The following PCDH9 variants were observed in gnomAD, a reference collection of about 807,000 sequenced individuals.
PCDH9 encodes the protein protocadherin-9.
A neutral mutation model predicts 70.6 loss-of-function variants in PCDH9; 24 were observed. The ratio of observed to expected loss-of-function variants is 0.34; its 90% CI spans 0.25 to 0.48. The LOEUF (loss-of-function observed/expected upper bound fraction) is 0.48. Among genes scored for constraint, PCDH9 ranks in the 20% least tolerant of loss-of-function variants. PCDH9 has a pLI of 0.99. For synonymous variants in PCDH9, 562 were observed against 558.5 expected (o/e 1.01, Z -0.09); for missense variants, 1,281 against 1,503.6 (o/e 0.85, Z 2.45).
At chr13:66,504,065 G>T (rs779121209) in intron 4 of PCDH9, among the ~76,000 whole-genome samples, 7 of 152,088 alleles carry the variant, frequency 4.6e-5, no homozygotes, top group African/African-American at 9.7e-5. Flanking sequence ...TCTCTGCTCC[G>T]TAAACACAAC....
intron 3 of PCDH9, among the ~76,000 whole-genome samples, chr13:66,713,260 T>C (rs1034232347): frequency 1.2e-4 from 18 of 152,186 alleles, no homozygotes. Context: ...TTAAATTATA[T>C]ACCTTGTAAT....
At chr13:67,154,106 A>G (rs1437660856) in intron 2 of PCDH9, among the ~76,000 whole-genome samples, 1 of 152,224 alleles carries the variant, frequency 6.6e-6, no homozygotes, top group Non-Finnish European at 1.5e-5. Flanking sequence ...CCTATAAGAC[A>G]AAAAACAGTA....
At chr13:66,380,536 CTTTTTTTTTT>C (rs59830525) in intron 4 of PCDH9, among the ~76,000 whole-genome samples, 10 of 53,396 alleles carry the variant, frequency 1.9e-4, no homozygotes, top group African/African-American at 5.1e-4. Context: ...AGATCTTGTC[CTTTTTTTTTT>C]TTTTTTTTTT....
chr13:66,687,069 G>A (rs1477006492), intron 3 of PCDH9, among the ~76,000 whole-genome samples: 1 of 152,038 alleles, frequency 6.6e-6, no homozygotes, highest in Non-Finnish European at 1.5e-5. Flanking sequence ...AACTACAAGT[G>A]ACTCATAAAA....
In PCDH9 at chr13:66,326,242, C is replaced by T. The variant is rs561947689; in HGVS notation, c.3341-21214G>A. Among the ~76,000 whole-genome samples the T allele has an allele frequency of 3.9e-5, 6 of 152,128 alleles. No homozygotes were observed. In the South Asian group the frequency reaches 1.0e-3, roughly 26 times the overall value. On this transcript the variant is annotated intron_variant, in intron 4 of 4. Coordinates refer to ENST00000377865, the MANE Select transcript of PCDH9 (RefSeq NM_203487.3). ...CCTTTCTCACTTACATATATGTAAC[C>T]CCAGCAGTGTTCTCTTGACTGTGTC...
chr13:66,519,268 C>T (rs909145247), intron 4 of PCDH9, among the ~76,000 whole-genome samples: 1 of 151,840 alleles, frequency 6.6e-6, no homozygotes, highest in South Asian at 2.1e-4. Flanking sequence ...AACCAGATAC[C>T]TGGTAAGATC....
Position 67,170,862 on chromosome 13 carries a change from T to C in PCDH9, c.3036+54543A>G, listed in dbSNP as rs543063715. Among the ~76,000 whole-genome samples the C allele has an allele frequency of 5.9e-5, 9 of 152,136 alleles. No homozygotes were observed. The East Asian group carries it at 1.7e-3, about 29-fold the overall frequency. ...ATCACTTGAACCCAGGAGGTGGAGG[T>C]TGCCGTGAGCCAAGATTGCGCCACT... On this transcript the variant is annotated intron_variant, in intron 2 of 4. Transcript: ENST00000377865.
At chr13:66,940,671 T>A (rs762865555) in intron 2 of PCDH9, among the ~76,000 whole-genome samples, 2 of 151,866 alleles carry the variant, frequency 1.3e-5, no homozygotes, top group Non-Finnish European at 2.9e-5. Context: ...CCAAAATAAG[T>A]TTACTTTTTT....
chr13:66,923,524 T>A (rs2082670554), intron 2 of PCDH9, among the ~76,000 whole-genome samples: 1 of 151,668 alleles, frequency 6.6e-6, no homozygotes. Flanking sequence ...AAATCTATCA[T>A]CATAGGTAAC....
intron 3 of PCDH9, among the ~76,000 whole-genome samples, chr13:66,805,786 G>T (rs1480076762): frequency 6.6e-6 from 1 of 151,966 alleles, no homozygotes. Flanking sequence ...ATCCACTCTG[G>T]ATACAATGCA....
chr13:67,099,726 G>A (rs756608023), intron 2 of PCDH9, among the ~76,000 whole-genome samples: 29 of 152,096 alleles, frequency 1.9e-4, no homozygotes, highest in Non-Finnish European at 2.5e-4. Context: ...CTGACACTCC[G>A]GCCCAGATAA....
chr13:67,035,004 G>C (rs972633857), intron 2 of PCDH9, among the ~76,000 whole-genome samples: 1 of 151,928 alleles, frequency 6.6e-6, no homozygotes, highest in African/African-American at 2.4e-5. Flanking sequence ...ATGGTAGCAT[G>C]TACATGTATA....
chr13:67,106,821 C>T (rs2086554822), intron 2 of PCDH9, among the ~76,000 whole-genome samples: 1 of 152,202 alleles, frequency 6.6e-6, no homozygotes, highest in Admixed American at 6.5e-5. Context: ...GCCACCTCTC[C>T]AATTTTGGAA....
chr13:66,472,759 C>G (rs1958644626), intron 4 of PCDH9, among the ~76,000 whole-genome samples: 1 of 152,004 alleles, frequency 6.6e-6, no homozygotes, highest in Admixed American at 6.6e-5. Flanking sequence ...AGCATCCAAG[C>G]CTGTCTTTAT....
intron 3 of PCDH9, among the ~76,000 whole-genome samples, chr13:66,730,865 T>TGG (rs1566153976): frequency 7.9e-5 from 3 of 37,738 alleles, no homozygotes; most frequent in African/African-American, 1.7e-4. Context: ...TTTGTTTTTT[T>TGG]GTGTGTGTGT....
At chr13:67,188,893 A>T (rs2088832422) in intron 2 of PCDH9, among the ~76,000 whole-genome samples, 3 of 152,004 alleles carry the variant, frequency 2.0e-5, no homozygotes, top group Admixed American at 1.3e-4. Flanking sequence ...TCACCCAAGA[A>T]GTATACACCA....
chr13:66,631,080 GCAA>G, intron 4 of PCDH9, 127 bp downstream of exon 4: 1 of 626,154 alleles, frequency 1.6e-6, no homozygotes, highest in East Asian at 2.6e-5. Flanking sequence ...AAAGAATACA[GCAA>G]CAACAATAAA....
At chr13:66,952,161 A>C (rs2083192684) in intron 2 of PCDH9, among the ~76,000 whole-genome samples, 1 of 152,200 alleles carries the variant, frequency 6.6e-6, no homozygotes, top group Non-Finnish European at 1.5e-5. Flanking sequence ...ATATAGCAGA[A>C]TGCTGACAGC....
chr13:67,212,102 T>C (rs2089480607), intron 2 of PCDH9: 1 of 152,156 alleles, frequency 6.6e-6, no homozygotes, highest in South Asian at 2.1e-4. Context: ...CTTGCTACTA[T>C]ATTTTATTAA....
Sources: allele counts gnomAD v4.1 joint callset (sites outside exome capture counted in the v4.1 genomes callset), GRCh38; gene constraint gnomAD v4.1.1; transcripts MANE v1.5; gene names NCBI Gene and HGNC (gene_info 2026-07-23, HGNC 2026-07-21).